IL12RB2: variants seen among roughly 807,000 people sequenced by gnomAD.
IL12RB2 encodes the protein interleukin 12 receptor subunit beta 2.
A neutral mutation model predicts 89.4 loss-of-function variants in IL12RB2; 82 were observed. The observed-to-expected ratio is 0.92, with a 90% CI of 0.77 to 1.10. IL12RB2 has a LOEUF of 1.10. Ranked by LOEUF, IL12RB2 falls within the 50% of genes least tolerant of loss-of-function variation. The pLI is 0.00. For missense variants in IL12RB2, 963 were observed against 1,031.9 expected (o/e 0.93, Z 0.92); for synonymous variants, 368 against 370.1 (o/e 0.99, Z 0.07).
At chr1:67,386,065 C>T (rs1003339741) in intron 14 of IL12RB2, among the ~76,000 whole-genome samples, 3 of 151,886 alleles carry the variant, frequency 2.0e-5, no homozygotes, top group South Asian at 4.2e-4. Context: ...AAAAATTAGC[C>T]GGGCGTGGTG....
chr1:67,368,104 C>T (rs1662908425), intron 11 of IL12RB2, 79 bp downstream of exon 11: 3 of 917,302 alleles, frequency 3.3e-6, no homozygotes, highest in East Asian at 2.5e-5. Flanking sequence ...AGAGCCAGAA[C>T]CCTGCCTTCA....
intron 16 of IL12RB2, 111 bp downstream of exon 16, chr1:67,390,239 T>C: frequency 1.4e-6 from 1 of 718,186 alleles, no homozygotes; most frequent in Non-Finnish European, 2.5e-6. Flanking sequence ...ATGGTTGAGC[T>C]TAAGTTATTC....
At chr1:67,366,146 A>C (rs181309094) in intron 10 of IL12RB2, among the ~76,000 whole-genome samples, 1 of 152,302 alleles carries the variant, frequency 6.6e-6, no homozygotes, top group African/African-American at 2.4e-5. Context: ...AAAGAAGCTT[A>C]GCTTCATAAG....
intron 2 of IL12RB2, among the ~76,000 whole-genome samples, chr1:67,316,406 C>A (rs148025435): frequency 5.9e-5 from 8 of 134,646 alleles, no homozygotes; most frequent in Non-Finnish European, 1.3e-4. Flanking sequence ...CTGCATCCAC[C>A]CTAGTCCCCA....
At chr1:67,323,830 G>T (rs1656917800) in intron 4 of IL12RB2, among the ~76,000 whole-genome samples, 1 of 152,144 alleles carries the variant, frequency 6.6e-6, no homozygotes, top group Non-Finnish European at 1.5e-5. Flanking sequence ...AGACATTGAG[G>T]ATGAGCAGTC....
At chr1:67,385,602 C>T (rs1395651994) in intron 14 of IL12RB2, among the ~76,000 whole-genome samples, 1 of 152,172 alleles carries the variant, frequency 6.6e-6, no homozygotes. Context: ...TCTTTGTATC[C>T]CAGCACCTAA....
chr1:67,357,426 G>T (rs961504028), intron 10 of IL12RB2, among the ~76,000 whole-genome samples: 1 of 152,014 alleles, frequency 6.6e-6, no homozygotes, highest in African/African-American at 2.4e-5. Context: ...ACCTCAAAGG[G>T]CCATTAAAGA....
chr1:67,335,788 C>A (rs957084219), intron 8 of IL12RB2, among the ~76,000 whole-genome samples: 2 of 152,102 alleles, frequency 1.3e-5, no homozygotes, highest in African/African-American at 4.8e-5. Flanking sequence ...GATTTTACAC[C>A]CCTGGTCATG....
intron 13 of IL12RB2, among the ~76,000 whole-genome samples, chr1:67,377,271 T>C (rs1354268045): frequency 6.6e-6 from 1 of 152,196 alleles, no homozygotes; most frequent in Non-Finnish European, 1.5e-5. Context: ...TTATGACTGT[T>C]GAAATAAATT....
intron 2 of IL12RB2, among the ~76,000 whole-genome samples, chr1:67,317,104 G>A (rs1458593967): frequency 6.6e-6 from 1 of 152,222 alleles, no homozygotes; most frequent in Non-Finnish European, 1.5e-5. Context: ...TAGTGGGAAA[G>A]TAAAGAGAAT....
At chr1:67,368,062 A>G in intron 11 of IL12RB2, 37 bp downstream of exon 11, 1 of 1,332,402 alleles carries the variant, frequency 7.5e-7, no homozygotes, top group Non-Finnish European at 1.1e-6. Context: ...GAGGGTTACT[A>G]AGTTCACATT....
intron 15 of IL12RB2, among the ~76,000 whole-genome samples, chr1:67,387,305 T>C (rs1186259880): frequency 2.0e-5 from 3 of 152,086 alleles, no homozygotes; most frequent in African/African-American, 4.8e-5. Context: ...AGAAAAATAT[T>C]TGAGACAACC....
intron 13 of IL12RB2, among the ~76,000 whole-genome samples, chr1:67,374,367 C>T (rs1663710157): frequency 6.6e-6 from 1 of 152,150 alleles, no homozygotes; most frequent in Non-Finnish European, 1.5e-5. Context: ...CAATTGATCT[C>T]TTCTTCAGCC....
chr1:67,322,925 A>C (rs1656772302), intron 4 of IL12RB2, among the ~76,000 whole-genome samples: 1 of 152,196 alleles, frequency 6.6e-6, no homozygotes, highest in African/African-American at 2.4e-5. Flanking sequence ...ATAAGCAAGC[A>C]TGGGCCCTGA....
Position 67,329,618 on chromosome 1 carries a change from C to G in IL12RB2, c.696C>G (p.Ile232Met), listed in dbSNP as rs1657788380. 6.3e-7 allele frequency: 1 copy of G among 1,585,942 alleles called. No individual in the cohort carries two copies. Among genetic ancestry groups the G allele is most frequent in the Non-Finnish European group, 8.7e-7 (1 of 1,154,242 alleles). ...VRPLPPWDIR[I>M]KFQKASVSRC... is the part of the protein sequence containing the mutation. ...CTCTTCCTCCGTGGGACATTAGAAT[C>G]AAATTTCAAAAGGCTTCTGTGAGCA... The change falls in exon 7 of 17, where the codon ATC becomes ATG. Residue 232 changes from isoleucine (I) to methionine (M), a missense_variant. Coordinates refer to ENST00000674203, the MANE Select transcript of IL12RB2 (RefSeq NM_001374259.2).
chr1:67,347,903 T>C (rs910334737), intron 9 of IL12RB2, among the ~76,000 whole-genome samples: 1 of 152,188 alleles, frequency 6.6e-6, no homozygotes, highest in African/African-American at 2.4e-5. Flanking sequence ...ACATTACTTT[T>C]CTGTGGGGAC....
chr1:67,310,029 G>T (rs1164690644), intron 1 of IL12RB2, among the ~76,000 whole-genome samples: 1 of 151,772 alleles, frequency 6.6e-6, no homozygotes, highest in Non-Finnish European at 1.5e-5. Context: ...ACAAAAATTA[G>T]CGGGGCATGG....
chr1:67,357,845 T>A (rs1000917495), intron 10 of IL12RB2, among the ~76,000 whole-genome samples: 6 of 151,830 alleles, frequency 4.0e-5, no homozygotes, highest in Admixed American at 6.6e-5. Context: ...TGTAAAAAAA[T>A]GGGTAAGAAA....
intron 14 of IL12RB2, among the ~76,000 whole-genome samples, chr1:67,381,432 T>C (rs1050349126): frequency 5.3e-5 from 8 of 152,184 alleles, no homozygotes; most frequent in Admixed American, 3.9e-4. Context: ...ACTGGGAAAT[T>C]GACAAGACTT....
Sources: gnomAD v4.1 joint callset for allele counts (sites outside exome capture counted in the v4.1 genomes callset) on GRCh38, gnomAD v4.1.1 for gene constraint, MANE v1.5 for transcripts, NCBI Gene and HGNC (gene_info 2026-07-23, HGNC 2026-07-21) for gene names.